Variants in LANCL1 observed in about 807,000 individuals in gnomAD.
LANCL1 encodes the protein glutathione S-transferase LANCL1.
In LANCL1, 50 loss-of-function variants were observed where a neutral mutation model predicts 50.6. That is an observed-to-expected ratio of 0.99 (90% CI 0.79 to 1.25). LANCL1 has a LOEUF of 1.25. LANCL1 is among the 50% of genes most tolerant of loss of function. The pLI is 0.00. For missense variants in LANCL1, 532 were observed against 480.7 expected, an observed-to-expected ratio of 1.11 and a Z score of -1.00; for synonymous variants, 188 against 178.6, an observed-to-expected ratio of 1.05 and a Z score of -0.42.
rs915797924 is a variant in LANCL1 at position 210,431,643 on chromosome 2, G to C, written c.*2844C>G. The C allele has an allele frequency of 6.6e-6, 1 of 152,178 alleles. No homozygotes were observed. Among genetic ancestry groups the C allele is most frequent in the Non-Finnish European group, 1.5e-5 (1 of 68,038 alleles). The allele number at this position is 152,178 out of a possible 1,614,324, so 9.4% of individuals were successfully genotyped here. On this transcript the variant is annotated 3_prime_UTR_variant, in exon 10 of 10. Coordinates refer to ENST00000450366, the MANE Select transcript of LANCL1 (RefSeq NM_006055.3). Reference sequence around the variant, plus strand: ...ATTAACCTGAGGACATAGTAGCAGAGTATGTCTCTCAATTCAGTTATTTAG... The same window carrying C: ...ATTAACCTGAGGACATAGTAGCAGACTATGTCTCTCAATTCAGTTATTTAG...
chr2:210,476,427 A>G lies in LANCL1; in HGVS notation c.-16-15T>C, dbSNP rs781719483. Reference sequence around the variant, plus strand: ...CGGAAGCAAGCCTGCAGAACAGGGGAAAAACAGAAACTAGGTTGAGATAGG... The same window carrying G: ...CGGAAGCAAGCCTGCAGAACAGGGGGAAAACAGAAACTAGGTTGAGATAGG... On this transcript the variant is annotated splice_polypyrimidine_tract_variant and intron_variant, in intron 1 of 9. Coordinates refer to ENST00000450366, the MANE Select transcript of LANCL1 (RefSeq NM_006055.3). The G allele has an allele frequency of 1.2e-6, 2 of 1,608,386 alleles. No homozygotes were observed. The highest frequency in any genetic ancestry group is 1.1e-5 in the South Asian group (1 of 90,444).
chr2:210,469,984 A>ATTTTTC (rs1694177430), intron 3 of LANCL1, among the ~76,000 whole-genome samples: 1 of 146,732 alleles, frequency 6.8e-6, no homozygotes, highest in Non-Finnish European at 1.5e-5. Flanking sequence ...TTTTTTTGGC[A>ATTTTTC]AGGAATAACA....
chr2:210,438,358 T>C (rs1693011338), intron 6 of LANCL1, among the ~76,000 whole-genome samples: 1 of 152,080 alleles, frequency 6.6e-6, no homozygotes, highest in African/African-American at 2.4e-5. Flanking sequence ...TGGTTTTGAA[T>C]TCCTGACCTC....
At chr2:210,458,086 A>T (rs547626669) in intron 3 of LANCL1, among the ~76,000 whole-genome samples, 35 of 152,318 alleles carry the variant, frequency 2.3e-4, no homozygotes, top group Admixed American at 2.0e-3. Flanking sequence ...GTGATGGTGC[A>T]GCTAGAGCAG....
intron 3 of LANCL1, among the ~76,000 whole-genome samples, chr2:210,459,860 T>C (rs1177863368): frequency 6.6e-6 from 1 of 152,132 alleles, no homozygotes; most frequent in Non-Finnish European, 1.5e-5. Context: ...TTTTTTTTTT[T>C]TTCCTGTAGC....
chr2:210,465,864 A>G (rs541302873), intron 3 of LANCL1, among the ~76,000 whole-genome samples: 1 of 152,304 alleles, frequency 6.6e-6, no homozygotes, highest in South Asian at 2.1e-4. Context: ...TGGGGGGGGA[A>G]AAGCCACAAA....
chr2:210,449,541 T>C (rs189920566), intron 4 of LANCL1, among the ~76,000 whole-genome samples: 63 of 152,294 alleles, frequency 4.1e-4, no homozygotes, highest in African/African-American at 1.3e-3. Flanking sequence ...GGTACTCAGA[T>C]AGGAACAGAG....
intron 6 of LANCL1, 67 bp downstream of exon 6, chr2:210,440,529 GTT>G: frequency 7.0e-7 from 1 of 1,429,396 alleles, no homozygotes; most frequent in South Asian, 1.4e-5. Flanking sequence ...TAGAATATCT[GTT>G]TTCTCACCCA....
Position 210,431,538 on chromosome 2 carries a change from T to C in LANCL1, c.*2949A>G, listed in dbSNP as rs1307012966. ...ATGAGTTCTAGCAGCCAAAGGAGTA[T>C]ACATGTAAATAGTCACTCTTCACAT... On this transcript the variant is annotated 3_prime_UTR_variant, in exon 10 of 10. Transcript: ENST00000450366. 3 of 152,178 alleles carry C rather than the reference T, an allele frequency of 2.0e-5. No homozygotes were observed. The highest frequency in any genetic ancestry group is 7.2e-5 in the African/African-American group (3 of 41,442). The allele number at this position is 152,178 out of a possible 1,614,324, so 9.4% of individuals were successfully genotyped here.
Position 210,455,145 on chromosome 2 carries a change from C to T in LANCL1, c.369G>A (p.Lys123=). ...CTTCTGCCTGCTTCTCATTGTTCATCTTGTGATATAGCACAGCGGCCACTG... is the reference window on the plus strand; with the variant it reads ...CTTCTGCCTGCTTCTCATTGTTCATTTTGTGATATAGCACAGCGGCCACTG... ...PLAVAAVLYH[K]MNNEKQAEDC... Residue 123 remains lysine, a synonymous_variant, in exon 4 of 10, where the codon AAG becomes AAA. Coordinates refer to ENST00000450366, the MANE Select transcript of LANCL1 (RefSeq NM_006055.3). The T allele has an allele frequency of 6.2e-7, 1 of 1,613,646 alleles. No individual in the cohort carries two copies. The highest frequency in any genetic ancestry group is 1.3e-5 in the African/African-American group (1 of 74,996).
At chr2:210,448,425 C>T (rs886401142) in intron 4 of LANCL1, among the ~76,000 whole-genome samples, 6 of 152,104 alleles carry the variant, frequency 3.9e-5, no homozygotes, top group Middle Eastern at 3.2e-3. Flanking sequence ...GACACCTTAA[C>T]ATCACAATTA....
chr2:210,471,953 T>C lies in LANCL1; in HGVS notation c.199+6A>G. On this transcript the variant is annotated splice_donor_region_variant and intron_variant, in intron 3 of 9. Coordinates refer to ENST00000450366, the MANE Select transcript of LANCL1 (RefSeq NM_006055.3). ...CTTATGCCAGCTCACAGTCAGCACT[T>C]CATACCTGCCCAGCCAGTGTAACCG... The C allele has an allele frequency of 2.5e-6, 4 of 1,599,498 alleles. No individual in the cohort carries two copies. The highest frequency in any genetic ancestry group is 3.4e-6 in the Non-Finnish European group (4 of 1,166,664).
intron 6 of LANCL1, among the ~76,000 whole-genome samples, 165 bp downstream of exon 6, chr2:210,440,433 C>T (rs1301062172): frequency 2.0e-5 from 3 of 152,258 alleles, no homozygotes; most frequent in Non-Finnish European, 2.9e-5. Flanking sequence ...AAGGCACCTT[C>T]GTAAACATTA....
intron 4 of LANCL1, among the ~76,000 whole-genome samples, chr2:210,446,981 C>T (rs1693358509): frequency 6.6e-6 from 1 of 152,122 alleles, no homozygotes; most frequent in Non-Finnish European, 1.5e-5. Flanking sequence ...GAACAACATT[C>T]ACATTCAGGA....
At chr2:210,448,034 C>T (rs1383493845) in intron 4 of LANCL1, among the ~76,000 whole-genome samples, 2 of 152,168 alleles carry the variant, frequency 1.3e-5, no homozygotes, top group Non-Finnish European at 2.9e-5. Context: ...CTCTCCACCC[C>T]AAATCAACAG....
Position 210,431,371 on chromosome 2 carries a change from A to G in LANCL1, c.*3116T>C, listed in dbSNP as rs1692740440. On this transcript the variant is annotated 3_prime_UTR_variant, in exon 10 of 10. Transcript: ENST00000450366. Reference sequence around the variant, plus strand: ...ACATAACATTGGGGTAGTTTCCCTGAATATCCCAAACAGTTTGCTTTATAA... The same window carrying G: ...ACATAACATTGGGGTAGTTTCCCTGGATATCCCAAACAGTTTGCTTTATAA... 6.6e-6 allele frequency: 1 copy of G among 152,234 alleles called. No homozygotes were observed. The highest frequency in any genetic ancestry group is 6.5e-5 in the Admixed American group (1 of 15,282). 9.4% of individuals were successfully genotyped at this position (152,234 alleles called of 1,614,324 possible).
chr2:210,457,647 T>A (rs917945635), intron 3 of LANCL1, among the ~76,000 whole-genome samples: 3 of 152,198 alleles, frequency 2.0e-5, no homozygotes, highest in Admixed American at 2.0e-4. Context: ...AGATTTAATA[T>A]GCAAAACACC....
intron 4 of LANCL1, among the ~76,000 whole-genome samples, chr2:210,445,480 T>A (rs1381877283): frequency 6.6e-6 from 1 of 152,180 alleles, no homozygotes; most frequent in African/African-American, 2.4e-5. Flanking sequence ...AGGAAGCATA[T>A]CCCTTTTTTT....
At chr2:210,474,739 AAAAT>A (rs78940796) in intron 2 of LANCL1, among the ~76,000 whole-genome samples, 24 of 147,990 alleles carry the variant, frequency 1.6e-4, no homozygotes, top group African/African-American at 3.7e-4. Context: ...AATAAAAATA[AAAAT>A]AAATAAATAA....
Sources: gnomAD v4.1 joint callset for allele counts (sites outside exome capture counted in the v4.1 genomes callset) on GRCh38, gnomAD v4.1.1 for gene constraint, MANE v1.5 for transcripts, NCBI Gene and HGNC (gene_info 2026-07-23, HGNC 2026-07-21) for gene names.